Variants in SIAH3 observed in about 807,000 individuals in gnomAD.
The protein encoded by SIAH3 is seven in absentia homolog 3.
A neutral mutation model predicts 12.6 loss-of-function variants in SIAH3; 9 were observed. That is an observed-to-expected ratio of 0.72 (90% confidence interval 0.43 to 1.25). The LOEUF (loss-of-function observed/expected upper bound fraction) is 1.25. SIAH3 is among the 50% of genes most tolerant of loss of function. The probability of loss-of-function intolerance (pLI) is 0.00; values close to 1 mark genes in which losing one functional copy is unlikely to be tolerated. For synonymous variants in SIAH3, 154 were observed against 151.1 expected (o/e 1.02, Z -0.14); for missense variants, 390 against 365.4 (o/e 1.07, Z -0.55).
chr13:45,849,787 A>T (rs1950773143), intron 1 of SIAH3, among the ~76,000 whole-genome samples: 4 of 152,270 alleles, frequency 2.6e-5, no homozygotes, highest in Admixed American at 2.6e-4. Context: ...TCAATGAACC[A>T]TATAAATGCA....
chr13:45,808,081 G>A (rs1480470871), intron 1 of SIAH3, among the ~76,000 whole-genome samples: 1 of 151,922 alleles, frequency 6.6e-6, no homozygotes, highest in South Asian at 2.1e-4. Context: ...GTGCGGTGAT[G>A]TTGTGTTGGT....
chr13:45,829,183 G>C (rs567718928), intron 1 of SIAH3, among the ~76,000 whole-genome samples: 1 of 152,310 alleles, frequency 6.6e-6, no homozygotes, highest in South Asian at 2.1e-4. Flanking sequence ...CAAGGGCATA[G>C]AGCTAGCAAA....
At chr13:45,815,505 TAAAA>T (rs1950631399) in intron 1 of SIAH3, among the ~76,000 whole-genome samples, 1 of 152,186 alleles carries the variant, frequency 6.6e-6, no homozygotes, top group Non-Finnish European at 1.5e-5. Context: ...GCCAATTTCT[TAAAA>T]TAAATCTCTC....
intron 1 of SIAH3, among the ~76,000 whole-genome samples, chr13:45,786,837 C>T (rs1036451246): frequency 2.6e-5 from 4 of 152,136 alleles, no homozygotes; most frequent in African/African-American, 7.2e-5. Context: ...GGCCACCAGT[C>T]CCAGTGCTGA....
chr13:45,834,534 T>C (rs1464974348), intron 1 of SIAH3, among the ~76,000 whole-genome samples: 9 of 152,168 alleles, frequency 5.9e-5, no homozygotes, highest in Non-Finnish European at 1.3e-4. Flanking sequence ...AGGCCTCGGG[T>C]TCCAGGGCAG....
At position 45,817,501 on chromosome 13, in the gene SIAH3, T is replaced by G. The variant is rs74429996; in HGVS notation, c.136-33444A>C. ...TGCAGATGTGATTAAATTAAGGATT[T>G]TGAGATGTGGAGATATCCTGGATTC... On this transcript the variant is annotated intron_variant, in intron 1 of 1. Transcript: ENST00000400405. 8.7e-3 allele frequency among the ~76,000 whole-genome samples: 1,326 copies of G among 152,292 alleles called. 16 individuals are homozygous for G. Among genetic ancestry groups the G allele is most frequent in the African/African-American group, 0.028 (1,181 of 41,550 alleles).
intron 1 of SIAH3, among the ~76,000 whole-genome samples, chr13:45,849,938 G>A (rs1360241735): frequency 1.3e-5 from 2 of 152,116 alleles, no homozygotes; most frequent in African/African-American, 4.8e-5. Flanking sequence ...AGTCTCAAAA[G>A]TGGCCATAAA....
At chr13:45,796,560 G>A (rs559964893) in intron 1 of SIAH3, among the ~76,000 whole-genome samples, 3 of 152,194 alleles carry the variant, frequency 2.0e-5, no homozygotes, top group Non-Finnish European at 4.4e-5. Context: ...GAGACGCAGG[G>A]CCTAGAAACA....
intron 1 of SIAH3, among the ~76,000 whole-genome samples, chr13:45,815,634 G>C (rs551573846): frequency 7.4e-4 from 112 of 152,270 alleles, no homozygotes; most frequent in African/African-American, 2.7e-3. Context: ...GTCCCTTTAG[G>C]TTGCTGGACT....
At chr13:45,804,490 T>C (rs80024833) in intron 1 of SIAH3, among the ~76,000 whole-genome samples, 2 of 152,118 alleles carry the variant, frequency 1.3e-5, no homozygotes, top group African/African-American at 4.8e-5. Flanking sequence ...TAAAATTAGA[T>C]AGCGGTAATG....
intron 1 of SIAH3, among the ~76,000 whole-genome samples, chr13:45,844,368 T>C (rs1950751292): frequency 6.6e-6 from 1 of 152,154 alleles, no homozygotes. Flanking sequence ...AGAAAGCAAA[T>C]TGATCTCTCT....
At chr13:45,784,483 T>C (rs915803558) in intron 1 of SIAH3, among the ~76,000 whole-genome samples, 4 of 151,592 alleles carry the variant, frequency 2.6e-5, no homozygotes, top group Non-Finnish European at 5.9e-5. Context: ...TTTTTTTTTC[T>C]ATTTTGTCAT....
chr13:45,792,725 T>C (rs973573804), intron 1 of SIAH3, among the ~76,000 whole-genome samples: 1 of 152,216 alleles, frequency 6.6e-6, no homozygotes, highest in Non-Finnish European at 1.5e-5. Flanking sequence ...TGTTTTTTTC[T>C]TTTTGAGCAT....
intron 1 of SIAH3, among the ~76,000 whole-genome samples, chr13:45,786,956 CT>C (rs889102459): frequency 1.3e-5 from 2 of 152,138 alleles, no homozygotes; most frequent in Non-Finnish European, 2.9e-5. Flanking sequence ...CATTTTCCAT[CT>C]TCTCTGTCCT....
chr13:45,832,463 C>T (rs1192706398), intron 1 of SIAH3, among the ~76,000 whole-genome samples: 1 of 152,166 alleles, frequency 6.6e-6, no homozygotes, highest in Non-Finnish European at 1.5e-5. Context: ...CCTTTTGGGT[C>T]TGGCTTATTT....
At chr13:45,831,617 G>A (rs151074595) in intron 1 of SIAH3, among the ~76,000 whole-genome samples, 1 of 152,132 alleles carries the variant, frequency 6.6e-6, no homozygotes, top group Non-Finnish European at 1.5e-5. Flanking sequence ...AGAAGGCAGG[G>A]ACACCATAGA....
intron 1 of SIAH3, among the ~76,000 whole-genome samples, chr13:45,833,710 C>T (rs1267566134): frequency 3.9e-5 from 6 of 152,256 alleles, no homozygotes; most frequent in African/African-American, 1.4e-4. Context: ...GGTTTTGCAA[C>T]AGGGGGACAG....
chr13:45,796,497 G>A (rs1213155034), intron 1 of SIAH3, among the ~76,000 whole-genome samples: 1 of 152,168 alleles, frequency 6.6e-6, no homozygotes, highest in Non-Finnish European at 1.5e-5. Context: ...ACGGGCTCAG[G>A]GAGCATGAGC....
intron 1 of SIAH3, among the ~76,000 whole-genome samples, chr13:45,791,254 T>G (rs1950544854): frequency 6.6e-6 from 1 of 152,208 alleles, no homozygotes; most frequent in African/African-American, 2.4e-5. Flanking sequence ...AGGTTAAGTT[T>G]GCTCAGTGTT....
Sources: gnomAD v4.1 joint callset for allele counts (sites outside exome capture counted in the v4.1 genomes callset) on GRCh38, gnomAD v4.1.1 for gene constraint, MANE v1.5 for transcripts, NCBI Gene and HGNC (gene_info 2026-07-23, HGNC 2026-07-21) for gene names.